The following NBPF9 variants were observed in gnomAD, a reference collection of about 807,000 sequenced individuals.
NBPF9 encodes the protein NBPF family member NBPF9.
In NBPF9, 91 loss-of-function variants were observed where a neutral mutation model predicts 97.8. The ratio of observed to expected loss-of-function variants is 0.93; its 90% confidence interval spans 0.79 to 1.11. The LOEUF (loss-of-function observed/expected upper bound fraction) is 1.11. Among genes scored for constraint, NBPF9 ranks in the 50% least tolerant of loss-of-function variants. NBPF9 has a pLI of 0.00. For missense variants in NBPF9, 992 were observed against 939.5 expected (o/e 1.06, Z -0.73); for synonymous variants, 334 against 359.5 (o/e 0.93, Z 0.80).
Position 149,077,864 on chromosome 1 carries a change from C to T in NBPF9, c.566+19G>A. 6.3e-7 allele frequency: 1 copy of T among 1,582,640 alleles called. No homozygotes were observed. The highest frequency in any genetic ancestry group is 8.7e-7 in the Non-Finnish European group (1 of 1,153,450). ...CATATGTTACCACCCATTACTTGCT[C>T]CTGAGTATTCAGTGTTACCTGGGGG... On this transcript the variant is annotated intron_variant, in intron 10 of 29. Transcript: ENST00000584027.
chr1:149,075,996 T>C, intron 11 of NBPF9, 132 bp from the exon 12 acceptor site: 1 of 838,958 alleles, frequency 1.2e-6, no homozygotes, highest in Non-Finnish European at 2.0e-6. Flanking sequence ...GTTTCACTCT[T>C]GTCATCTCCA....
At chr1:149,084,947 G>A (rs2080866622) in intron 5 of NBPF9, among the ~76,000 whole-genome samples, 1 of 151,744 alleles carries the variant, frequency 6.6e-6, no homozygotes, top group Non-Finnish European at 1.5e-5. Context: ...GGGCAAAGAA[G>A]GTATCCATGG....
chr1:149,079,746 C>CTT, intron 8 of NBPF9, among the ~76,000 whole-genome samples: 1 of 151,580 alleles, frequency 6.6e-6, no homozygotes, highest in East Asian at 1.9e-4. Context: ...GTGGCAATAG[C>CTT]ACACCATTTT....
chr1:149,091,231 A>C (rs2081385594), intron 4 of NBPF9, among the ~76,000 whole-genome samples: 1 of 142,902 alleles, frequency 7.0e-6, no homozygotes, highest in Non-Finnish European at 1.5e-5. Flanking sequence ...TGGAATGTAC[A>C]ATAGTATAAA....
At chr1:149,085,028 T>C (rs1575862753) in intron 5 of NBPF9, among the ~76,000 whole-genome samples, 1 of 151,990 alleles carries the variant, frequency 6.6e-6, no homozygotes, top group Non-Finnish European at 1.5e-5. Flanking sequence ...ACCTCCTTTG[T>C]TCCTTCCACT....
At chr1:149,079,487 T>G (rs2080216763) in intron 8 of NBPF9, among the ~76,000 whole-genome samples, 1 of 151,028 alleles carries the variant, frequency 6.6e-6, no homozygotes, top group Non-Finnish European at 1.5e-5. Flanking sequence ...TCTTCCTAAT[T>G]CCCTTTCAGA....
At position 149,070,672 on chromosome 1, in the gene NBPF9, C is replaced by T. The variant is rs375716030; in HGVS notation, c.1585+262G>A. Among the ~76,000 whole-genome samples, 912 of 151,958 alleles carry T rather than the reference C, an allele frequency of 6.0e-3. 4 individuals are homozygous for T. The highest frequency in any genetic ancestry group is 9.6e-3 in the Non-Finnish European group (650 of 67,990). Reference sequence around the variant, plus strand: ...GAGATACTGAATCGAAGCTAGGAGGCCTGACAGATACTGCCTGTGCACCTC... The same window carrying T: ...GAGATACTGAATCGAAGCTAGGAGGTCTGACAGATACTGCCTGTGCACCTC... On this transcript the variant is annotated intron_variant, in intron 16 of 29. Coordinates refer to ENST00000584027, the Ensembl canonical transcript of NBPF9.
intron 20 of NBPF9, 66 bp downstream of exon 20, chr1:149,063,567 A>G (rs2078786232): frequency 3.2e-6 from 2 of 627,786 alleles, no homozygotes; most frequent in Non-Finnish European, 5.6e-6. Context: ...GGCCACTTGC[A>G]GTAGGAATAT....
At chr1:149,082,309 T>C (rs2080542515) in exon 6 of NBPF9, 2 of 1,550,678 alleles carry the variant, frequency 1.3e-6, no homozygotes, top group African/African-American at 1.4e-5. Flanking sequence ...CCCACAGCAC[T>C]TTAGGATCCT....
At position 149,078,927 on chromosome 1, in the gene NBPF9, C is replaced by G. The variant is rs1467555702; in HGVS notation, c.493+80G>C. On this transcript the variant is annotated intron_variant, in intron 9 of 29. Coordinates refer to ENST00000584027, the Ensembl canonical transcript of NBPF9. ...GCAGAAAAAAACCCCACTGATACAA[C>G]TGTCATTGTGAAAGTATGGAGGTCT... The G allele has an allele frequency of 1.9e-6, 3 of 1,560,670 alleles. No individual in the cohort carries two copies. The South Asian group carries it at 3.3e-5, about 17-fold the overall frequency.
intron 13 of NBPF9, 63 bp from the exon 14 acceptor site, chr1:149,072,995 G>T: frequency 6.4e-7 from 1 of 1,557,224 alleles, no homozygotes; most frequent in Non-Finnish European, 8.8e-7. Flanking sequence ...CTCAAATATT[G>T]CAACAGAGAT....
At chr1:149,079,990 A>T in intron 8 of NBPF9, 63 bp downstream of exon 8, 2 of 1,357,490 alleles carry the variant, frequency 1.5e-6, no homozygotes, top group Non-Finnish European at 1.0e-6. Context: ...CTCCCCGCCG[A>T]GCTGCTGTAC....
In NBPF9 at chr1:149,065,980, C is replaced by A; in HGVS notation, c.1638-291G>T. On this transcript the variant is annotated intron_variant, in intron 17 of 29. Coordinates refer to ENST00000584027, the Ensembl canonical transcript of NBPF9. ...CCATCATGTCTTGCAGCACAGAGAA[C>A]TGACACAGGGCTTCAACTACTTTGC... is the stretch of plus-strand genomic sequence containing the variant. 1.1e-5 allele frequency: 6 copies of A among 568,974 alleles called. No homozygotes were observed. In the Admixed American group the frequency reaches 1.5e-4, roughly 14 times the overall value. The allele number at this position is 568,974 out of a possible 1,614,324, so 35.2% of individuals were successfully genotyped here. A position where few individuals can be genotyped will look rare whatever the true frequency, so the allele number is the denominator to read the frequency against.
chr1:149,081,410 G>C (rs1389431172), intron 7 of NBPF9, among the ~76,000 whole-genome samples: 1 of 150,898 alleles, frequency 6.6e-6, no homozygotes, highest in African/African-American at 2.4e-5. Context: ...GAGCCACGTT[G>C]CACGGCCCCT....
intron 1 of NBPF9, among the ~76,000 whole-genome samples, 181 bp downstream of exon 1, chr1:149,103,120 C>A (rs28394053): frequency 2.0e-5 from 3 of 151,978 alleles, no homozygotes; most frequent in Non-Finnish European, 4.4e-5. Context: ...CAGCGGCAAG[C>A]GAGGAATCGA....
chr1:149,099,426 G>A (rs1422061365), intron 3 of NBPF9, among the ~76,000 whole-genome samples: 1 of 152,206 alleles, frequency 6.6e-6, no homozygotes, highest in Non-Finnish European at 1.5e-5. Flanking sequence ...CTTGGAGATT[G>A]TTGAATATGG....
At chr1:149,065,286 ACAGT>A (rs1301569056) in intron 18 of NBPF9, 10 of 712,192 alleles carry the variant, frequency 1.4e-5, no homozygotes, top group African/African-American at 1.4e-4. Flanking sequence ...CAATGTCGTG[ACAGT>A]CAGTCCAGGT....
chr1:149,067,901 C>T (rs1165982873), intron 17 of NBPF9, among the ~76,000 whole-genome samples: 5 of 144,442 alleles, frequency 3.5e-5, no homozygotes, highest in African/African-American at 5.4e-5. Flanking sequence ...CTTCCACAAT[C>T]GTTGAACTAG....
chr1:149,076,128 T>C (rs1314825487), intron 11 of NBPF9, among the ~76,000 whole-genome samples: 5 of 152,064 alleles, frequency 3.3e-5, no homozygotes, highest in Admixed American at 6.6e-5. Flanking sequence ...CCCTGAGATT[T>C]TTACCCCATG....
Sources: allele counts gnomAD v4.1 joint callset (sites outside exome capture counted in the v4.1 genomes callset), GRCh38; gene constraint gnomAD v4.1.1; transcripts MANE v1.5; gene names NCBI Gene and HGNC (gene_info 2026-07-23, HGNC 2026-07-21).